CSMD2: variants seen among roughly 807,000 people sequenced by gnomAD.
CSMD2 encodes the protein CUB and Sushi multiple domains 2.
A neutral mutation model predicts 398.5 loss-of-function variants in CSMD2; 130 were observed. The observed-to-expected ratio is 0.33, with a 90% CI of 0.28 to 0.38. The LOEUF (loss-of-function observed/expected upper bound fraction) is 0.38, where lower values mean the gene tolerates loss of function less well. Ranked by LOEUF, CSMD2 falls within the 10% of genes least tolerant of loss-of-function variation. The pLI is 1.00. For synonymous variants in CSMD2, 1,828 were observed against 1,908.5 expected, an observed-to-expected ratio of 0.96 and a Z score of 1.10; for missense variants, 3,829 against 4,764.9, an observed-to-expected ratio of 0.80 and a Z score of 5.78.
intron 10 of CSMD2, among the ~76,000 whole-genome samples, chr1:33,803,834 C>G (rs1886637): frequency 0.54 from 82,754 of 152,104 alleles, 22,459 homozygotes; most frequent in East Asian, 0.61. Context: ...GATCTTCCTG[C>G]TATTGCTTTA....
At chr1:34,122,270 C>T (rs1009533047) in intron 1 of CSMD2, among the ~76,000 whole-genome samples, 1 of 152,052 alleles carries the variant, frequency 6.6e-6, no homozygotes, top group South Asian at 2.1e-4. Context: ...CCAAAATGCC[C>T]AAGGCTGAGA....
At position 33,710,421 on chromosome 1, in the gene CSMD2, G is replaced by T. The variant is rs139248769; in HGVS notation, c.3407-1163C>A. Among the ~76,000 whole-genome samples the T allele has an allele frequency of 3.9e-5, 6 of 152,314 alleles. No homozygotes were observed. In the East Asian group the frequency reaches 1.2e-3, roughly 29 times the overall value. ...TTACTGAATGAATGAATGAATGAAT[G>T]AATGAATGGATATGGAGTACACTGA... is the stretch of plus-strand genomic sequence containing the variant. On this transcript the variant is annotated intron_variant, in intron 21 of 70. Coordinates refer to ENST00000373381, the MANE Select transcript of CSMD2 (RefSeq NM_001281956.2).
At chr1:34,072,251 T>C (rs1299616687) in intron 2 of CSMD2, among the ~76,000 whole-genome samples, 2 of 152,338 alleles carry the variant, frequency 1.3e-5, no homozygotes, top group East Asian at 1.9e-4. Context: ...TCCAAGAGAA[T>C]GAGGGACTCA....
chr1:34,132,243 C>A (rs79550526), intron 1 of CSMD2, among the ~76,000 whole-genome samples: 1 of 152,102 alleles, frequency 6.6e-6, no homozygotes, highest in African/African-American at 2.4e-5. Context: ...TGTGGCACCT[C>A]GTCCTGCTGA....
At chr1:33,704,717 A>C (rs555882000) in intron 22 of CSMD2, among the ~76,000 whole-genome samples, 4 of 150,712 alleles carry the variant, frequency 2.7e-5, no homozygotes, top group Admixed American at 1.3e-4. Context: ...TCTAATTTTG[A>C]CACATCCTCA....
At chr1:33,724,047 C>G (rs1163755215) in intron 19 of CSMD2, 150 bp downstream of exon 19, 1 of 653,148 alleles carries the variant, frequency 1.5e-6, no homozygotes, top group Non-Finnish European at 2.8e-6. Context: ...GATGAGAAGA[C>G]TCTGGAAGTT....
At chr1:33,954,036 T>C (rs1033825738) in intron 3 of CSMD2, among the ~76,000 whole-genome samples, 8 of 152,078 alleles carry the variant, frequency 5.3e-5, no homozygotes, top group African/African-American at 1.9e-4. Flanking sequence ...AGTTTCTTCA[T>C]CTATAAAGAG....
intron 3 of CSMD2, among the ~76,000 whole-genome samples, chr1:33,999,899 G>C (rs1271090932): frequency 6.6e-6 from 1 of 152,160 alleles, no homozygotes; most frequent in Middle Eastern, 3.2e-3. Flanking sequence ...TATTTGCATA[G>C]TGGAATTCTG....
At position 33,652,481 on chromosome 1, in the gene CSMD2, A is replaced by G. The variant is rs758898333; in HGVS notation, c.4448-20T>C. On this transcript the variant is annotated intron_variant, in intron 27 of 70. Coordinates refer to ENST00000373381, the MANE Select transcript of CSMD2 (RefSeq NM_001281956.2). ...AGGGAGCTGAGGAGAGAAGAAGACG[A>G]GGGTGAGGCTGCCTCTTCACCCTGG... 1 of 1,611,682 alleles carries G rather than the reference A, an allele frequency of 6.2e-7. No homozygotes were observed. Among genetic ancestry groups the G allele is most frequent in the Non-Finnish European group, 8.5e-7 (1 of 1,178,092 alleles).
chr1:33,570,546 C>CAT lies in CSMD2; in HGVS notation c.7957+985_7957+986insAT, dbSNP rs1659504245. Among the ~76,000 whole-genome samples the CAT allele has an allele frequency of 2.0e-5, 3 of 152,194 alleles. No individual in the cohort carries two copies. In the South Asian group the frequency reaches 6.2e-4, roughly 32 times the overall value. The stretch of plus-strand genomic sequence containing the variant: ...CTGACCACTTCCTTCTACCTCTTTA[C>CAT]AATCACTTGCCTCCTCTGTGACATC... On this transcript the variant is annotated intron_variant, in intron 51 of 70. Coordinates refer to ENST00000373381, the MANE Select transcript of CSMD2 (RefSeq NM_001281956.2).
At chr1:33,925,331 C>A (rs115709928) in intron 4 of CSMD2, among the ~76,000 whole-genome samples, 2 of 152,054 alleles carry the variant, frequency 1.3e-5, no homozygotes, top group African/African-American at 4.8e-5. Context: ...GTTCTTGGTG[C>A]CTTTGCTGAA....
intron 3 of CSMD2, among the ~76,000 whole-genome samples, chr1:33,946,454 T>C (rs1467898539): frequency 1.3e-5 from 2 of 152,224 alleles, no homozygotes; most frequent in Non-Finnish European, 2.9e-5. Context: ...CTGTTTGTTC[T>C]GGGGGCAGGA....
chr1:33,696,946 G>A (rs1645438175), intron 24 of CSMD2, among the ~76,000 whole-genome samples: 1 of 152,042 alleles, frequency 6.6e-6, no homozygotes, highest in African/African-American at 2.4e-5. Flanking sequence ...TGATGAAGTC[G>A]ACCACAACAT....
intron 5 of CSMD2, chr1:33,873,910 C>A (rs895418067): frequency 6.6e-6 from 1 of 151,976 alleles, no homozygotes; most frequent in Non-Finnish European, 1.5e-5. Context: ...ACTCTCTCCT[C>A]CCCAGGGCCT....
chr1:34,067,404 G>T (rs751770274), intron 2 of CSMD2, among the ~76,000 whole-genome samples: 1 of 152,156 alleles, frequency 6.6e-6, no homozygotes, highest in Non-Finnish European at 1.5e-5. Flanking sequence ...TGGATTAGGT[G>T]GGGGGTGCAT....
rs556094322 is a variant in CSMD2, at chr1:34,031,765, C to CAAA, written c.517+826_517+828dup. Among the ~76,000 whole-genome samples the CAAA allele has an allele frequency of 2.9e-3, 204 of 71,214 alleles. 3 individuals are homozygous for CAAA. Among genetic ancestry groups the CAAA allele is most frequent in the East Asian group, 7.7e-3 (19 of 2,454 alleles). The allele number at this position is 71,214 out of a possible 152,430, so 46.7% of individuals were successfully genotyped here. A position where few individuals can be genotyped will look rare whatever the true frequency, so the allele number is the denominator to read the frequency against. The stretch of plus-strand genomic sequence containing the variant: ...TTAAGTTCTTAAACAAAGGCAAAGG[C>CAAA]AAAAAAAAAAAAAAAAAAAAAAAGC... On this transcript the variant is annotated intron_variant, in intron 3 of 70. Coordinates refer to ENST00000373381, the MANE Select transcript of CSMD2 (RefSeq NM_001281956.2).
chr1:33,695,021 T>C (rs1645372784), intron 24 of CSMD2, among the ~76,000 whole-genome samples: 1 of 152,158 alleles, frequency 6.6e-6, no homozygotes, highest in African/African-American at 2.4e-5. Flanking sequence ...CCAATCTCCC[T>C]GAGCAAAGGA....
chr1:34,034,683 G>A (rs1650896173), intron 2 of CSMD2, among the ~76,000 whole-genome samples: 1 of 152,054 alleles, frequency 6.6e-6, no homozygotes, highest in African/African-American at 2.4e-5. Context: ...AAACTAGCTT[G>A]ACTTGGTTTT....
intron 1 of CSMD2, among the ~76,000 whole-genome samples, chr1:34,124,385 C>T (rs986631185): frequency 2.0e-5 from 3 of 152,218 alleles, no homozygotes; most frequent in East Asian, 1.9e-4. Flanking sequence ...CATAGGAGTG[C>T]AGAGGAGTCC....
Sources: gnomAD v4.1 joint callset for allele counts (sites outside exome capture counted in the v4.1 genomes callset) on GRCh38, gnomAD v4.1.1 for gene constraint, MANE v1.5 for transcripts, NCBI Gene and HGNC (gene_info 2026-07-23, HGNC 2026-07-21) for gene names.